The following TINAG variants were observed in gnomAD, a reference collection of about 807,000 sequenced individuals.
TINAG encodes tubulointerstitial nephritis antigen.
In TINAG, 83 loss-of-function variants were observed where a neutral mutation model predicts 72.7. The observed-to-expected ratio is 1.14, with a 90% CI of 0.96 to 1.37. The LOEUF (loss-of-function observed/expected upper bound fraction) is 1.37, where lower values mean the gene tolerates loss of function less well. Among genes scored for constraint, TINAG ranks in the 40% most tolerant of loss-of-function variants. TINAG has a pLI of 0.00. For missense variants in TINAG, 685 were observed against 576.6 expected, an observed-to-expected ratio of 1.19 and a Z score of -1.93; for synonymous variants, 234 against 189.9, an observed-to-expected ratio of 1.23 and a Z score of -1.91.
At chr6:54,327,219 G>A in intron 4 of TINAG, 1 of 1,509,364 alleles carries the variant, frequency 6.6e-7, no homozygotes, top group African/African-American at 1.4e-5. Context: ...AACGTAGAAG[G>A]TGGATGATTT....
chr6:54,354,971 G>C (rs144794544), intron 9 of TINAG, among the ~76,000 whole-genome samples: 3 of 151,902 alleles, frequency 2.0e-5, no homozygotes, highest in Non-Finnish European at 4.4e-5. Flanking sequence ...TTATGGTTTG[G>C]GGAGATGGTT....
At chr6:54,366,842 G>T (rs1386774597) in intron 9 of TINAG, among the ~76,000 whole-genome samples, 2 of 151,640 alleles carry the variant, frequency 1.3e-5, no homozygotes, top group Non-Finnish European at 1.5e-5. Context: ...CAGGAAATAT[G>T]AGCAGGAAAT....
At chr6:54,309,181 T>C (rs1562141745) in intron 1 of TINAG, among the ~76,000 whole-genome samples, 1 of 152,142 alleles carries the variant, frequency 6.6e-6, no homozygotes, top group Non-Finnish European at 1.5e-5. Flanking sequence ...ACTCAACTTG[T>C]ATAAGGATTA....
In TINAG at chr6:54,308,444, CAGGCTGA is replaced by C; in HGVS notation, c.-104_-98del. The C allele has an allele frequency of 1.1e-6, 1 of 881,654 alleles. No individual in the cohort carries two copies. Among genetic ancestry groups the C allele is most frequent in the Non-Finnish European group, 1.7e-6 (1 of 581,356 alleles). 54.6% of individuals were successfully genotyped at this position (881,654 alleles called of 1,614,324 possible). ...CAAGTAAAGGATCAGTTTCAGGGTT[CAGGCTGA>C]AGTGTCTTAATGACTAGAATTCAGG... is the stretch of plus-strand genomic sequence containing the variant. On this transcript the variant is annotated 5_prime_UTR_variant, in exon 1 of 11. Transcript: ENST00000259782.
intron 10 of TINAG, among the ~76,000 whole-genome samples, chr6:54,383,638 C>T (rs926684444): frequency 2.0e-5 from 3 of 151,850 alleles, no homozygotes; most frequent in African/African-American, 7.3e-5. Context: ...AAGATGTGAC[C>T]AGCAACCAAG....
At chr6:54,375,767 A>G (rs1763761091) in intron 9 of TINAG, among the ~76,000 whole-genome samples, 1 of 152,148 alleles carries the variant, frequency 6.6e-6, no homozygotes, top group Admixed American at 6.6e-5. Context: ...TCTTATTCAG[A>G]ATTTCATTAT....
At chr6:54,317,085 G>T (rs902840615) in intron 1 of TINAG, among the ~76,000 whole-genome samples, 31 of 151,948 alleles carry the variant, frequency 2.0e-4, no homozygotes, top group Admixed American at 1.9e-3. Context: ...AAAGCTACCG[G>T]ACAGGAATTC....
chr6:54,366,684 T>G (rs1018877816), intron 9 of TINAG, among the ~76,000 whole-genome samples: 2 of 148,776 alleles, frequency 1.3e-5, no homozygotes, highest in Non-Finnish European at 3.0e-5. Flanking sequence ...GGATATACAT[T>G]GAGTAGCGAA....
intron 9 of TINAG, among the ~76,000 whole-genome samples, chr6:54,370,417 G>T (rs993983476): frequency 1.3e-5 from 2 of 151,792 alleles, no homozygotes; most frequent in Admixed American, 6.6e-5. Context: ...TGAAAAAAAT[G>T]CAACCAATAT....
intron 9 of TINAG, among the ~76,000 whole-genome samples, chr6:54,364,891 C>A (rs1051677178): frequency 6.6e-6 from 1 of 151,300 alleles, no homozygotes; most frequent in Admixed American, 6.6e-5. Flanking sequence ...CCATATTTTC[C>A]ATACAAATAA....
intron 8 of TINAG, among the ~76,000 whole-genome samples, chr6:54,353,748 A>C (rs1318564610): frequency 6.6e-6 from 1 of 151,820 alleles, no homozygotes; most frequent in Non-Finnish European, 1.5e-5. Context: ...ATTTTATTTA[A>C]AATGCTTGTC....
Position 54,349,814 on chromosome 6 carries a change from A to G in TINAG, c.998A>G (p.His333Arg), listed in dbSNP as rs771364363. 6 of 1,611,386 alleles carry G rather than the reference A, an allele frequency of 3.7e-6. No homozygotes were observed. The highest frequency in any genetic ancestry group is 5.1e-6 in the Non-Finnish European group (6 of 1,178,308). The stretch of plus-strand genomic sequence containing the variant: ...AGGTCTGATGGGCGAGGAAAACGGC[A>G]TGCCACGAAGCCATGTCCCAACAAC... ...ASRSDGRGKR[H>R]ATKPCPNNVE... The change falls in exon 7 of 11, where the codon CAT becomes CGT. Residue 333 changes from histidine to arginine, a missense_variant. His to Arg is a conservative substitution (Grantham distance 29). Coordinates refer to ENST00000259782, the MANE Select transcript of TINAG (RefSeq NM_014464.4).
chr6:54,367,882 T>G (rs750305863), intron 9 of TINAG, among the ~76,000 whole-genome samples: 1 of 151,752 alleles, frequency 6.6e-6, no homozygotes, highest in Non-Finnish European at 1.5e-5. Flanking sequence ...GGGCCTGCTT[T>G]CTTGTTCATA....
chr6:54,372,767 T>C (rs3996976), intron 9 of TINAG, among the ~76,000 whole-genome samples: 42,170 of 141,094 alleles, frequency 0.3, 7,079 homozygotes, highest in African/African-American at 0.47. Flanking sequence ...TATATATATA[T>C]ATATACACAC....
Position 54,354,385 on chromosome 6 carries a change from A to G in TINAG, c.1127-128A>G, listed in dbSNP as rs553599589. On this transcript the variant is annotated intron_variant, in intron 8 of 10. Transcript: ENST00000259782. ...TAAGTAGGAAAGAAAATTAGGCTGA[A>G]TCACACAGCCCCTTCTTAGATTCAT... The G allele has an allele frequency of 1.8e-4, 147 of 824,180 alleles. 5 individuals are homozygous for G. In the South Asian group the frequency reaches 2.9e-3, roughly 17 times the overall value. The allele number at this position is 824,180 out of a possible 1,614,324, so 51.1% of individuals were successfully genotyped here. A position where few individuals can be genotyped will look rare whatever the true frequency, so the allele number is the denominator to read the frequency against.
chr6:54,389,299 G>A (rs768005740), intron 10 of TINAG, among the ~76,000 whole-genome samples: 8 of 151,980 alleles, frequency 5.3e-5, no homozygotes, highest in Non-Finnish European at 1.0e-4. Context: ...CAATGTCTTC[G>A]CTGAACCATC....
chr6:54,369,449 T>C (rs966991156), intron 9 of TINAG, among the ~76,000 whole-genome samples: 1 of 151,912 alleles, frequency 6.6e-6, no homozygotes, highest in Non-Finnish European at 1.5e-5. Flanking sequence ...TATATGATAA[T>C]CTCTATATGT....
At chr6:54,344,965 G>T (rs1785085581) in intron 5 of TINAG, among the ~76,000 whole-genome samples, 1 of 152,078 alleles carries the variant, frequency 6.6e-6, no homozygotes. Flanking sequence ...GAAACTAAAA[G>T]CTATACAATT....
In TINAG at chr6:54,389,671, G is replaced by C. The variant is rs980796540; in HGVS notation, c.1297-120G>C. ...ATTATTTAAAAATAGGTAAGTTCTT[G>C]ATAATTATAGTCTATGATAAATCAA... is the stretch of plus-strand genomic sequence containing the variant. On this transcript the variant is annotated intron_variant, in intron 10 of 10. Transcript: ENST00000259782. 4.0e-6 allele frequency: 5 copies of C among 1,240,994 alleles called. No homozygotes were observed. The South Asian group carries it at 4.9e-5, about 12-fold the overall frequency. 76.9% of individuals were successfully genotyped at this position (1,240,994 alleles called of 1,614,324 possible).
Sources: gnomAD v4.1 joint callset for allele counts (sites outside exome capture counted in the v4.1 genomes callset) on GRCh38, gnomAD v4.1.1 for gene constraint, MANE v1.5 for transcripts, NCBI Gene and HGNC (gene_info 2026-07-23, HGNC 2026-07-21) for gene names.